REC114: variants seen among roughly 807,000 people sequenced by gnomAD.
The protein encoded by REC114 is REC114 meiotic recombination protein, also known as meiotic recombination protein REC114.
In REC114, 27 loss-of-function variants were observed where a neutral mutation model predicts 31.3. That is an observed-to-expected ratio of 0.86 (90% CI 0.64 to 1.19). The LOEUF (loss-of-function observed/expected upper bound fraction) is 1.19, where lower values mean the gene tolerates loss of function less well. REC114 is among the 50% of genes most tolerant of loss of function. The probability of loss-of-function intolerance (pLI) is 0.00; values close to 1 mark genes in which losing one functional copy is unlikely to be tolerated. For synonymous variants in REC114, 134 were observed against 127.7 expected (o/e 1.05, Z -0.33); for missense variants, 344 against 326.9 (o/e 1.05, Z -0.40).
intron 2 of REC114, among the ~76,000 whole-genome samples, chr15:73,492,821 C>T (rs1024913168): frequency 2.6e-5 from 4 of 151,910 alleles, no homozygotes; most frequent in Admixed American, 2.0e-4. Context: ...TCTTTTTAGC[C>T]GTTTTGGTAG....
At chr15:73,511,541 G>A in intron 2 of REC114, among the ~76,000 whole-genome samples, 1 of 150,402 alleles carries the variant, frequency 6.6e-6, no homozygotes, top group Non-Finnish European at 1.5e-5. Flanking sequence ...ATGTTAGGGT[G>A]TCAATTTTGG....
intron 2 of REC114, among the ~76,000 whole-genome samples, chr15:73,482,982 A>G (rs1449148272): frequency 6.6e-6 from 1 of 151,292 alleles, no homozygotes; most frequent in Non-Finnish European, 1.5e-5. Flanking sequence ...TGACAGTTCC[A>G]GTTTCTCCAC....
intron 2 of REC114, among the ~76,000 whole-genome samples, chr15:73,537,377 A>G (rs1280699917): frequency 6.6e-6 from 1 of 152,206 alleles, no homozygotes; most frequent in Non-Finnish European, 1.5e-5. Context: ...AAATCGATGA[A>G]GAGCCATAAA....
At chr15:73,554,634 G>C (rs1427384638) in intron 4 of REC114, among the ~76,000 whole-genome samples, 1 of 152,176 alleles carries the variant, frequency 6.6e-6, no homozygotes, top group Non-Finnish European at 1.5e-5. Flanking sequence ...CAGTTAAGAG[G>C]ATCGCAGTTC....
At chr15:73,450,766 G>A (rs569376676) in intron 1 of REC114, among the ~76,000 whole-genome samples, 52 of 152,154 alleles carry the variant, frequency 3.4e-4, no homozygotes, top group African/African-American at 9.9e-4. Flanking sequence ...GCAAAAGAAC[G>A]GAAATCATAA....
chr15:73,505,428 G>A (rs1244597797), intron 2 of REC114, among the ~76,000 whole-genome samples: 2 of 151,948 alleles, frequency 1.3e-5, no homozygotes, highest in East Asian at 1.9e-4. Flanking sequence ...ATTTTTCTAC[G>A]CATCCCTTTG....
intron 5 of REC114, 55 bp downstream of exon 5, chr15:73,556,446 G>A (rs1047261047): frequency 4.3e-5 from 61 of 1,411,936 alleles, no homozygotes; most frequent in Non-Finnish European, 5.7e-5. Context: ...TGACCCCTAA[G>A]AATTTGTATC....
At chr15:73,475,441 A>G (rs1893198447) in intron 2 of REC114, among the ~76,000 whole-genome samples, 2 of 152,184 alleles carry the variant, frequency 1.3e-5, no homozygotes, top group African/African-American at 4.8e-5. Flanking sequence ...AAAAATTCCT[A>G]TCACCTGTGA....
At chr15:73,517,159 G>C (rs917182373) in intron 2 of REC114, among the ~76,000 whole-genome samples, 1 of 152,042 alleles carries the variant, frequency 6.6e-6, no homozygotes, top group African/African-American at 2.4e-5. Context: ...TTAGCAATTA[G>C]GTATGCAAGT....
chr15:73,551,422 G>A (rs765560559), intron 4 of REC114, among the ~76,000 whole-genome samples: 4 of 152,006 alleles, frequency 2.6e-5, no homozygotes, highest in Non-Finnish European at 5.9e-5. Flanking sequence ...CTCTTCCAGG[G>A]GGCCCACAAG....
At chr15:73,529,197 G>T (rs1894043733) in intron 2 of REC114, among the ~76,000 whole-genome samples, 2 of 151,720 alleles carry the variant, frequency 1.3e-5, no homozygotes, top group African/African-American at 4.8e-5. Flanking sequence ...GAGTGCAGTG[G>T]CGTGTTCTCA....
At chr15:73,459,584 T>A (rs1401553640) in intron 1 of REC114, among the ~76,000 whole-genome samples, 1 of 152,210 alleles carries the variant, frequency 6.6e-6, no homozygotes, top group Non-Finnish European at 1.5e-5. Flanking sequence ...CTAGCTGTAA[T>A]TCCAGATATT....
intron 2 of REC114, among the ~76,000 whole-genome samples, chr15:73,507,347 T>C (rs1026391436): frequency 6.6e-5 from 10 of 152,218 alleles, no homozygotes; most frequent in African/African-American, 2.2e-4. Flanking sequence ...TTGCAAACTT[T>C]CTCAAATTAT....
At chr15:73,512,162 C>T (rs1893781122) in intron 2 of REC114, among the ~76,000 whole-genome samples, 1 of 136,566 alleles carries the variant, frequency 7.3e-6, no homozygotes, top group South Asian at 2.3e-4. Flanking sequence ...GGATAGTTAG[C>T]TCTTCTTGTT....
At chr15:73,464,808 G>A (rs1013886287) in intron 1 of REC114, among the ~76,000 whole-genome samples, 2 of 152,140 alleles carry the variant, frequency 1.3e-5, no homozygotes, top group Admixed American at 6.5e-5. Flanking sequence ...CCTGTAGGGG[G>A]AAAACGTCCT....
intron 2 of REC114, among the ~76,000 whole-genome samples, chr15:73,516,747 C>T (rs1893862682): frequency 6.6e-6 from 1 of 152,182 alleles, no homozygotes; most frequent in Non-Finnish European, 1.5e-5. Flanking sequence ...CCCGCCTCAG[C>T]CTCCCGAGTA....
At chr15:73,458,902 A>T (rs1024912450) in intron 1 of REC114, among the ~76,000 whole-genome samples, 1 of 152,224 alleles carries the variant, frequency 6.6e-6, no homozygotes, top group Non-Finnish European at 1.5e-5. Flanking sequence ...TTACCCCATA[A>T]GAAGGAAAAA....
chr15:73,546,817 GAAAAAA>G (rs11421177), intron 3 of REC114, among the ~76,000 whole-genome samples: 1 of 115,856 alleles, frequency 8.6e-6, no homozygotes, highest in South Asian at 2.8e-4. Context: ...TCTGTCTCAG[GAAAAAA>G]AAAAAAAAAA....
At position 73,473,186 on chromosome 15, in the gene REC114, C is replaced by T. The variant is rs374079657; in HGVS notation, c.160-646C>T. Among the ~76,000 whole-genome samples the T allele has an allele frequency of 5.9e-5, 9 of 152,014 alleles. No homozygotes were observed. In the East Asian group the frequency reaches 9.7e-4, roughly 16 times the overall value. Reference sequence around the variant, plus strand: ...GGGCAGATACTTGAGGTCAGGAATTCGAGACCAGCCTGACGAACATGGTGA... The same window carrying T: ...GGGCAGATACTTGAGGTCAGGAATTTGAGACCAGCCTGACGAACATGGTGA... On this transcript the variant is annotated intron_variant, in intron 1 of 5. Coordinates refer to ENST00000331090, the MANE Select transcript of REC114 (RefSeq NM_001042367.2).
Sources: allele counts gnomAD v4.1 joint callset (sites outside exome capture counted in the v4.1 genomes callset), GRCh38; gene constraint gnomAD v4.1.1; transcripts MANE v1.5; gene names NCBI Gene and HGNC (gene_info 2026-07-23, HGNC 2026-07-21).